Variants in CNBD1 observed in about 807,000 individuals in gnomAD.
The protein encoded by CNBD1 is cyclic nucleotide binding domain containing 1, also known as cyclic nucleotide-binding domain-containing protein 1.
A neutral mutation model predicts 54.4 loss-of-function variants in CNBD1; 71 were observed. That is an observed-to-expected ratio of 1.30 (90% CI 1.08 to 1.59). The LOEUF (loss-of-function observed/expected upper bound fraction) is 1.59. Among genes scored for constraint, CNBD1 ranks in the 40% most tolerant of loss-of-function variants. The pLI is 0.00. For synonymous variants in CNBD1, 182 were observed against 170.7 expected (o/e 1.07, Z -0.51); for missense variants, 659 against 518.0 (o/e 1.27, Z -2.64).
chr8:86,998,574 A>T (rs1808929437), intron 4 of CNBD1, among the ~76,000 whole-genome samples: 1 of 152,118 alleles, frequency 6.6e-6, no homozygotes, highest in Non-Finnish European at 1.5e-5. Context: ...TCCACAAATC[A>T]CTGTGAAAAC....
chr8:87,280,342 C>A (rs995633106), intron 6 of CNBD1, among the ~76,000 whole-genome samples: 1 of 151,310 alleles, frequency 6.6e-6, no homozygotes, highest in Non-Finnish European at 1.5e-5. Flanking sequence ...ACTTAGACAA[C>A]TTTGAGAATA....
At chr8:87,229,063 C>A (rs1050148940) in intron 5 of CNBD1, among the ~76,000 whole-genome samples, 1 of 152,214 alleles carries the variant, frequency 6.6e-6, no homozygotes, top group Non-Finnish European at 1.5e-5. Context: ...AACTCCCTGA[C>A]CCCTTGTGCT....
chr8:86,888,827 C>G (rs1808718537), intron 2 of CNBD1, among the ~76,000 whole-genome samples: 2 of 152,020 alleles, frequency 1.3e-5, no homozygotes, highest in South Asian at 4.1e-4. Flanking sequence ...GCTTTCTGGC[C>G]CAGACGCATT....
chr8:87,303,905 A>G (rs1341433421), intron 8 of CNBD1, among the ~76,000 whole-genome samples: 4 of 152,220 alleles, frequency 2.6e-5, no homozygotes, highest in Non-Finnish European at 5.9e-5. Flanking sequence ...ATCACTGGCC[A>G]TCAGAGAAAT....
chr8:87,381,959 G>A (rs527836427), intron 10 of CNBD1, among the ~76,000 whole-genome samples: 2 of 151,706 alleles, frequency 1.3e-5, no homozygotes, highest in Non-Finnish European at 2.9e-5. Flanking sequence ...ATATTGTATT[G>A]TACACTTAAA....
Position 86,912,199 on chromosome 8 carries a change from T to A in CNBD1, c.272+7005T>A, listed in dbSNP as rs189961963. The stretch of plus-strand genomic sequence containing the variant: ...CAGCATTAAAATATCAAAAAAATTT[T>A]AAAAAATTCAGATTAACTTTAACAA... On this transcript the variant is annotated intron_variant, in intron 3 of 10. Transcript: ENST00000518476. Among the ~76,000 whole-genome samples the A allele has an allele frequency of 3.6e-3, 543 of 152,274 alleles. 2 individuals carry two copies. Among genetic ancestry groups the A allele is most frequent in the African/African-American group, 0.012 (485 of 41,530 alleles).
At chr8:86,974,643 G>A (rs1321885604) in intron 4 of CNBD1, among the ~76,000 whole-genome samples, 2 of 151,944 alleles carry the variant, frequency 1.3e-5, no homozygotes, top group East Asian at 1.9e-4. Flanking sequence ...ATTTAAAGGT[G>A]AGAAGCAAAT....
At chr8:87,423,743 T>TG (rs1243485166) in intron 2 of CNBD1, among the ~76,000 whole-genome samples, 3 of 151,698 alleles carry the variant, frequency 2.0e-5, no homozygotes, top group Non-Finnish European at 4.4e-5. Context: ...TTCTCTTTTT[T>TG]GGTTGTGTCT....
In CNBD1 at chr8:87,394,947, C is replaced by T. The variant is rs189791790; in HGVS notation, c.214-33599C>T. Among the ~76,000 whole-genome samples, 12 of 151,974 alleles carry T rather than the reference C, an allele frequency of 7.9e-5. No homozygotes were observed. In the East Asian group the frequency reaches 2.1e-3, roughly 27 times the overall value. ...TATTACCATTAAGTAAATTCACTAA[C>T]CCACCAAATTAAGTAATTGAATTAA... is the stretch of plus-strand genomic sequence containing the variant. On this transcript the variant is annotated intron_variant, in intron 2 of 7. Transcript: ENST00000521593.
chr8:87,414,886 CAG>C, intron 2 of CNBD1, among the ~76,000 whole-genome samples: 1 of 152,096 alleles, frequency 6.6e-6, no homozygotes, highest in Non-Finnish European at 1.5e-5. Flanking sequence ...ATGATAAACA[CAG>C]AGCTTCACAG....
At chr8:87,289,244 A>C (rs1808746154) in intron 8 of CNBD1, among the ~76,000 whole-genome samples, 1 of 152,158 alleles carries the variant, frequency 6.6e-6, no homozygotes, top group South Asian at 2.1e-4. Context: ...AATCCTTGGC[A>C]ATCAATGAAA....
At chr8:87,055,587 C>G (rs892468552) in intron 4 of CNBD1, among the ~76,000 whole-genome samples, 1 of 152,196 alleles carries the variant, frequency 6.6e-6, no homozygotes, top group African/African-American at 2.4e-5. Context: ...ATCTGTACAT[C>G]TGCAGTCTGA....
At chr8:86,897,779 A>T (rs1312912910) in intron 2 of CNBD1, among the ~76,000 whole-genome samples, 1 of 152,166 alleles carries the variant, frequency 6.6e-6, no homozygotes, top group Non-Finnish European at 1.5e-5. Flanking sequence ...TAATTCCCAG[A>T]CTCAACATTC....
chr8:87,132,849 C>T, intron 4 of CNBD1, among the ~76,000 whole-genome samples: 1 of 147,008 alleles, frequency 6.8e-6, no homozygotes, highest in African/African-American at 2.5e-5. Context: ...AGTTCCATTT[C>T]CTCTCTCCTC....
At chr8:87,105,521 G>T (rs1218966657) in intron 4 of CNBD1, among the ~76,000 whole-genome samples, 3 of 152,064 alleles carry the variant, frequency 2.0e-5, no homozygotes, top group Non-Finnish European at 4.4e-5. Context: ...TTTCACCAGG[G>T]TCTTCACAGC....
chr8:86,959,041 C>G (rs1287389876), intron 4 of CNBD1, among the ~76,000 whole-genome samples: 2 of 152,122 alleles, frequency 1.3e-5, no homozygotes, highest in Non-Finnish European at 2.9e-5. Context: ...TAAAGCAGGC[C>G]TGGTGGTGAC....
chr8:87,182,704 G>A lies in CNBD1; in HGVS notation c.432-23289G>A, dbSNP rs754749225. 1.3e-5 allele frequency among the ~76,000 whole-genome samples: 2 copies of A among 152,048 alleles called. No individual in the cohort carries two copies. Among genetic ancestry groups the A allele is most frequent in the Non-Finnish European group, 2.9e-5 (2 of 68,010 alleles). Reference sequence around the variant, plus strand: ...GAATGTATGTCTTCTTTTGAGAAGTGTCTGTTCATGTCTTCTGCCCATTTT... The same window carrying A: ...GAATGTATGTCTTCTTTTGAGAAGTATCTGTTCATGTCTTCTGCCCATTTT... On this transcript the variant is annotated intron_variant, in intron 4 of 10. Transcript: ENST00000518476. This position sits in a 1 kb window ranked among gnomAD's most constrained non-coding sequence, Gnocchi z 4.1.
chr8:87,373,794 T>C (rs1810868891), intron 10 of CNBD1, among the ~76,000 whole-genome samples: 1 of 151,808 alleles, frequency 6.6e-6, no homozygotes, highest in Non-Finnish European at 1.5e-5. Context: ...TAAGTTTATA[T>C]AAAATTTCAG....
At chr8:87,274,395 A>C (rs2130860834) in intron 6 of CNBD1, among the ~76,000 whole-genome samples, 1 of 145,276 alleles carries the variant, frequency 6.9e-6, no homozygotes, top group East Asian at 2.0e-4. Flanking sequence ...CAACAGTGTA[A>C]AAGTGTGCCT....
Sources: allele counts gnomAD v4.1 joint callset (sites outside exome capture counted in the v4.1 genomes callset), GRCh38; gene constraint gnomAD v4.1.1; non-coding constraint Gnocchi (gnomAD v3.1); transcripts MANE v1.5; gene names NCBI Gene and HGNC (gene_info 2026-07-23, HGNC 2026-07-21).